Variants in GIGYF2 observed in about 807,000 individuals in gnomAD.
GIGYF2 encodes GRB10 interacting GYF protein 2.
Under a neutral mutation model 208.1 loss-of-function variants are expected in GIGYF2, and 25 were observed. That is an observed-to-expected ratio of 0.12 (90% CI 0.09 to 0.17). The LOEUF (loss-of-function observed/expected upper bound fraction) is 0.17, where lower values mean the gene tolerates loss of function less well. Ranked by LOEUF, GIGYF2 falls within the 10% of genes least tolerant of loss-of-function variation. GIGYF2 has a pLI of 1.00. For missense variants in GIGYF2, 1,302 were observed against 1,579.4 expected (o/e 0.82, Z 2.98); for synonymous variants, 534 against 543.8 (o/e 0.98, Z 0.25).
At chr2:232,809,416 G>A (rs796838988) in intron 15 of GIGYF2, among the ~76,000 whole-genome samples, 1 of 152,118 alleles carries the variant, frequency 6.6e-6, no homozygotes, top group Admixed American at 6.5e-5. Flanking sequence ...TTCAGTTACA[G>A]TAATAACTCT....
At chr2:232,840,020 T>C (rs1701770575) in intron 23 of GIGYF2, 49 bp downstream of exon 23, 2 of 1,579,876 alleles carry the variant, frequency 1.3e-6, no homozygotes, top group Non-Finnish European at 1.7e-6. Context: ...TTCCAGAATA[T>C]CTAGCATGCA....
Position 232,756,269 on chromosome 2 carries a change from C to CAGGACG in GIGYF2, c.319_324dup (p.Arg107_Gly108dup). 6.4e-7 allele frequency: 1 copy of CAGGACG among 1,573,056 alleles called. No individual in the cohort carries two copies. On this transcript the variant is annotated inframe_insertion, in exon 6 of 29. Coordinates refer to ENST00000373563, the MANE Select transcript of GIGYF2 (RefSeq NM_001103146.3). Reference sequence around the variant, plus strand: ...AATAGTGCTGCTGTCCTGCGATTGACAGGACGAGGAGGAGGAGGAACAGTG... The same window carrying CAGGACG: ...AATAGTGCTGCTGTCCTGCGATTGACAGGACGAGGACGAGGAGGAGGAGGAACAGTG...
At chr2:232,784,647 G>A (rs371916419) in intron 8 of GIGYF2, among the ~76,000 whole-genome samples, 1 of 152,014 alleles carries the variant, frequency 6.6e-6, no homozygotes, top group East Asian at 1.9e-4. Context: ...AAAGTGCTGG[G>A]ATTACAGGTG....
intron 8 of GIGYF2, among the ~76,000 whole-genome samples, chr2:232,781,660 T>C (rs138432509): frequency 3.7e-4 from 57 of 152,330 alleles, no homozygotes; most frequent in South Asian, 1.2e-3. Flanking sequence ...GTTGACACTT[T>C]CCTTAAATGT....
At chr2:232,838,410 C>A (rs752605302) in intron 22 of GIGYF2, among the ~76,000 whole-genome samples, 3 of 151,942 alleles carry the variant, frequency 2.0e-5, no homozygotes, top group Admixed American at 2.0e-4. Flanking sequence ...CAGAGGTGCC[C>A]GTGAGGATAG....
chr2:232,728,133 C>T (rs1697293351), intron 2 of GIGYF2, among the ~76,000 whole-genome samples: 1 of 152,042 alleles, frequency 6.6e-6, no homozygotes, highest in Non-Finnish European at 1.5e-5. Flanking sequence ...GGAGGTCAGG[C>T]TTCTGGGGGA....
chr2:232,819,988 G>C lies in GIGYF2; in HGVS notation c.2529+3G>C. ...AGGAAGAATTGTTACGCAAACAGGTGACCAGATGGTTTTGTCTTCTAATTG... is the reference window on the plus strand; with the variant it reads ...AGGAAGAATTGTTACGCAAACAGGTCACCAGATGGTTTTGTCTTCTAATTG... On this transcript the variant is annotated splice_donor_region_variant and intron_variant, in intron 21 of 28. Transcript: ENST00000373563. 1 of 1,613,178 alleles carries C rather than the reference G, an allele frequency of 6.2e-7. No individual in the cohort carries two copies. Among genetic ancestry groups the C allele is most frequent in the Non-Finnish European group, 8.5e-7 (1 of 1,179,248 alleles).
At chr2:232,740,874 A>G (rs74935657) in intron 3 of GIGYF2, among the ~76,000 whole-genome samples, 1,871 of 152,320 alleles carry the variant, frequency 0.012, 43 homozygotes, top group African/African-American at 0.042. Context: ...TGTAAACTGA[A>G]GGAGTAGTAA....
chr2:232,698,456 T>C (rs1401253706), intron 1 of GIGYF2: 1 of 152,198 alleles, frequency 6.6e-6, no homozygotes, highest in East Asian at 1.9e-4. Flanking sequence ...ATATAGTATG[T>C]CCTTTTTAGA....
intron 8 of GIGYF2, chr2:232,768,307 G>GTTTGACAGTCTTGTCAAATTT: frequency 6.2e-7 from 1 of 1,614,102 alleles, no homozygotes. Flanking sequence ...GGAAATTCAG[G>GTTTGACAGTCTTGTCAAATTT]GACAGTCTTG....
intron 3 of GIGYF2, among the ~76,000 whole-genome samples, chr2:232,743,448 T>C (rs1194628038): frequency 6.6e-6 from 1 of 152,132 alleles, no homozygotes; most frequent in Non-Finnish European, 1.5e-5. Context: ...CGGGGGTACA[T>C]GTGAAGGTTA....
rs1169397257 is a variant in GIGYF2 at position 232,858,507 on chromosome 2, A to G, written c.*1647A>G. On this transcript the variant is annotated 3_prime_UTR_variant, in exon 29 of 29. Coordinates refer to ENST00000373563, the MANE Select transcript of GIGYF2 (RefSeq NM_001103146.3). ...CTACTCTCCTTTGCTTTGTAAATTC[A>G]AAAGTTGGGGGTGGGTAAGAGGGAT... is the stretch of plus-strand genomic sequence containing the variant. 1 of 456,480 alleles carries G rather than the reference A, an allele frequency of 2.2e-6. No homozygotes were observed. The highest frequency in any genetic ancestry group is 2.3e-5 in the Admixed American group (1 of 42,568). The allele number at this position is 456,480 out of a possible 1,614,324, so 28.3% of individuals were successfully genotyped here. A position where few individuals can be genotyped will look rare whatever the true frequency, so the allele number is the denominator to read the frequency against.
intron 14 of GIGYF2, among the ~76,000 whole-genome samples, chr2:232,804,102 A>G (rs1412862999): frequency 6.6e-6 from 1 of 152,122 alleles, no homozygotes; most frequent in South Asian, 2.1e-4. Flanking sequence ...ATCTTCTTTT[A>G]AAAAAATTTT....
intron 2 of GIGYF2, among the ~76,000 whole-genome samples, chr2:232,733,898 A>G (rs1375994119): frequency 5.3e-5 from 8 of 152,134 alleles, no homozygotes; most frequent in Non-Finnish European, 1.0e-4. Context: ...ATTTTTTTCC[A>G]TCCGAGGTTG....
chr2:232,845,971 A>G (rs960776771), intron 26 of GIGYF2, 85 bp downstream of exon 26: 2 of 868,344 alleles, frequency 2.3e-6, no homozygotes, highest in African/African-American at 3.3e-5. Context: ...AGTGGGCCAA[A>G]AGTCAAAAGA....
chr2:232,731,430 C>T (rs969187123), intron 2 of GIGYF2, among the ~76,000 whole-genome samples: 2 of 152,160 alleles, frequency 1.3e-5, no homozygotes, highest in Non-Finnish European at 2.9e-5. Context: ...AAATCCTCTA[C>T]GGGTTTGAGT....
chr2:232,779,317 TG>T (rs1699632089), intron 8 of GIGYF2, among the ~76,000 whole-genome samples: 1 of 152,218 alleles, frequency 6.6e-6, no homozygotes, highest in Non-Finnish European at 1.5e-5. Context: ...TACCAAGACC[TG>T]GTTAATTATC....
intron 20 of GIGYF2, among the ~76,000 whole-genome samples, chr2:232,817,678 AT>A (rs1207636558): frequency 2.0e-5 from 3 of 152,196 alleles, no homozygotes; most frequent in African/African-American, 7.2e-5. Flanking sequence ...CTTAAGGTTT[AT>A]TCATATTGTA....
chr2:232,799,172 G>C (rs1018510785), intron 14 of GIGYF2, among the ~76,000 whole-genome samples: 3 of 151,946 alleles, frequency 2.0e-5, no homozygotes, highest in African/African-American at 7.3e-5. Flanking sequence ...TCCCCTGTAG[G>C]TGTATAACAC....
Sources: gnomAD v4.1 joint callset for allele counts (sites outside exome capture counted in the v4.1 genomes callset) on GRCh38, gnomAD v4.1.1 for gene constraint, MANE v1.5 for transcripts, NCBI Gene and HGNC (gene_info 2026-07-23, HGNC 2026-07-21) for gene names.